RFC2: variants seen among roughly 807,000 people sequenced by gnomAD.
RFC2 encodes replication factor C subunit 2.
Under a neutral mutation model 44.8 loss-of-function variants are expected in RFC2, and 34 were observed. That is an observed-to-expected ratio of 0.76 (90% CI 0.58 to 1.01). The LOEUF (loss-of-function observed/expected upper bound fraction) is 1.01. RFC2 is among the 50% of genes least tolerant of loss of function. The probability of loss-of-function intolerance (pLI) is 0.00; values close to 1 mark genes in which losing one functional copy is unlikely to be tolerated. For missense variants in RFC2, 400 were observed against 453.6 expected (o/e 0.88, Z 1.07); for synonymous variants, 177 against 168.9 (o/e 1.05, Z -0.37).
intron 6 of RFC2, among the ~76,000 whole-genome samples, chr7:74,241,946 C>A (rs980875925): frequency 1.3e-5 from 2 of 151,886 alleles, no homozygotes; most frequent in Admixed American, 6.6e-5. Context: ...GGCGACAGAG[C>A]GAGACTCTCT....
At chr7:74,239,417 C>T (rs547607908) in intron 7 of RFC2, among the ~76,000 whole-genome samples, 20 of 152,112 alleles carry the variant, frequency 1.3e-4, no homozygotes, top group African/African-American at 4.3e-4. Flanking sequence ...CTGCAAGGTC[C>T]GCCTCCCAGG....
intron 2 of RFC2, among the ~76,000 whole-genome samples, chr7:74,251,593 T>A (rs1203287630): frequency 4.6e-3 from 550 of 120,256 alleles, no homozygotes; most frequent in Middle Eastern, 0.033. Flanking sequence ...AGGTCAGGAG[T>A]TCAAGACCAG....
intron 10 of RFC2, among the ~76,000 whole-genome samples, chr7:74,232,999 GC>G (rs1802810591): frequency 6.6e-6 from 1 of 152,136 alleles, no homozygotes; most frequent in Non-Finnish European, 1.5e-5. Context: ...AGGATCACTT[GC>G]CCAGAGTTGG....
At chr7:74,240,515 AAAAAAAAG>A (rs1426416463) in intron 6 of RFC2, among the ~76,000 whole-genome samples, 1 of 151,722 alleles carries the variant, frequency 6.6e-6, no homozygotes, top group Non-Finnish European at 1.5e-5. Context: ...AAAAAAAAAA[AAAAAAAAG>A]AGAGAGAGAG....
intron 5 of RFC2, among the ~76,000 whole-genome samples, chr7:74,244,484 C>G (rs1440800400): frequency 3.3e-5 from 5 of 151,498 alleles, no homozygotes; most frequent in African/African-American, 1.2e-4. Flanking sequence ...TCCTTAGTAC[C>G]TGGGATTACA....
intron 5 of RFC2, among the ~76,000 whole-genome samples, chr7:74,246,016 G>A (rs1803582970): frequency 1.3e-5 from 2 of 151,662 alleles, no homozygotes; most frequent in Admixed American, 1.3e-4. Context: ...CTAACATGGT[G>A]AAACCCCTTC....
chr7:74,237,857 G>C, intron 8 of RFC2, among the ~76,000 whole-genome samples: 1 of 152,102 alleles, frequency 6.6e-6, no homozygotes. Flanking sequence ...CCCTACAAAA[G>C]GTCCCCCAGC....
chr7:74,239,403 C>G (rs1282713746), intron 7 of RFC2, among the ~76,000 whole-genome samples: 1 of 151,968 alleles, frequency 6.6e-6, no homozygotes, highest in Non-Finnish European at 1.5e-5. Flanking sequence ...GCTATCTCAG[C>G]TCACTGCAAG....
chr7:74,234,002 T>C (rs1802872758), intron 10 of RFC2: 2 of 437,660 alleles, frequency 4.6e-6, no homozygotes, highest in South Asian at 1.6e-5. Flanking sequence ...AATCCATATA[T>C]GCAAATGTTT....
rs1365367460 is a variant in RFC2, at chr7:74,252,323, C to T, written c.183+106G>A. On this transcript the variant is annotated intron_variant, in intron 2 of 10. Coordinates refer to ENST00000055077, the MANE Select transcript of RFC2 (RefSeq NM_181471.3). Reference sequence around the variant, plus strand: ...TGGGGAGGCTGAGGCAGGAGAATGGCATGAACCCGGGAGGCGGAGCTTGCA... The same window carrying T: ...TGGGGAGGCTGAGGCAGGAGAATGGTATGAACCCGGGAGGCGGAGCTTGCA... 3 of 637,588 alleles carry T rather than the reference C, an allele frequency of 4.7e-6. No homozygotes were observed. In the African/African-American group the frequency reaches 5.7e-5, roughly 12 times the overall value. 39.5% of individuals were successfully genotyped at this position (637,588 alleles called of 1,614,324 possible).
At chr7:74,242,301 G>A (rs975152810) in intron 6 of RFC2, among the ~76,000 whole-genome samples, 1 of 152,092 alleles carries the variant, frequency 6.6e-6, no homozygotes, top group Non-Finnish European at 1.5e-5. Context: ...ATAGAACTGG[G>A]GCTCCAATCC....
chr7:74,242,385 TC>T (rs1243479164), intron 6 of RFC2, among the ~76,000 whole-genome samples: 1 of 152,158 alleles, frequency 6.6e-6, no homozygotes, highest in East Asian at 1.9e-4. Flanking sequence ...TTCTCTTTTT[TC>T]CTTAGATCCT....
Position 74,249,112 on chromosome 7 carries a change from G to C in RFC2, c.232C>G (p.Pro78Ala). The C allele has an allele frequency of 6.2e-7, 1 of 1,614,004 alleles. No individual in the cohort carries two copies. The highest frequency in any genetic ancestry group is 8.5e-7 in the Non-Finnish European group (1 of 1,179,962). Residue 78 changes from proline to alanine, a missense_variant, in exon 4 of 11, where the codon CCA (proline) becomes GCA (alanine). Transcript: ENST00000055077. ...NVPNIIIAGP[P>A]GTGKTTSILC... ...ATGCTTGTGGTCTTGCCGGTTCCTGGAGGGCCCTGGGAATGAGATCTCCAG... is the reference window on the plus strand; with the variant it reads ...ATGCTTGTGGTCTTGCCGGTTCCTGCAGGGCCCTGGGAATGAGATCTCCAG...
At chr7:74,245,500 CAGG>C (rs1347152116) in intron 5 of RFC2, among the ~76,000 whole-genome samples, 1 of 139,536 alleles carries the variant, frequency 7.2e-6, no homozygotes, top group African/African-American at 2.7e-5. Flanking sequence ...ATCATGAGGC[CAGG>C]AGATCAAGAC....
chr7:74,243,148 A>T lies in RFC2; in HGVS notation c.533T>A (p.Ile178Asn), dbSNP rs1554719473. 6.8e-6 allele frequency: 11 copies of T among 1,609,734 alleles called. No homozygotes were observed. The highest frequency in any genetic ancestry group is 1.3e-5 in the African/African-American group (1 of 74,966). Residue 178 changes from isoleucine (I) to asparagine (N), a missense_variant and splice_region_variant, in exon 6 of 11, where the codon ATC (isoleucine) becomes AAC (asparagine). Transcript: ENST00000055077. The part of the protein sequence containing the change: ...ALACNASDKI[I>N]EPIQSRCAVL... ...AGCCACCGAAAGCTCCCACTCACCG[A>T]TGATCTTATCCGAAGCATTACAAGC... is the stretch of plus-strand genomic sequence containing the variant.
rs782431136 is a variant in RFC2 at position 74,243,128 on chromosome 7, C to T, written c.535+18G>A. The T allele has an allele frequency of 6.3e-6, 10 of 1,576,366 alleles. No individual in the cohort carries two copies. In the South Asian group the frequency reaches 7.8e-5, roughly 12 times the overall value. ...TTGAGCACCACGTGGCCCCCAGCCA[C>T]CGAAAGCTCCCACTCACCGATGATC... On this transcript the variant is annotated intron_variant, in intron 6 of 10. Coordinates refer to ENST00000055077, the MANE Select transcript of RFC2 (RefSeq NM_181471.3).
At chr7:74,252,195 C>T (rs1476158214) in intron 2 of RFC2, among the ~76,000 whole-genome samples, 1 of 148,042 alleles carries the variant, frequency 6.8e-6, no homozygotes, top group Non-Finnish European at 1.5e-5. Flanking sequence ...ATCATGAGGT[C>T]AGGAGATTGA....
At chr7:74,247,223 T>C (rs570342353) in intron 4 of RFC2, among the ~76,000 whole-genome samples, 2 of 152,118 alleles carry the variant, frequency 1.3e-5, no homozygotes, top group Non-Finnish European at 2.9e-5. Flanking sequence ...TATACCACCT[T>C]TGTTATCTTG....
chr7:74,235,277 T>C (rs1802946015), intron 10 of RFC2, among the ~76,000 whole-genome samples: 1 of 152,232 alleles, frequency 6.6e-6, no homozygotes, highest in African/African-American at 2.4e-5. Flanking sequence ...CCTCAGGTGA[T>C]CCGCCCACCT....
Sources: allele counts gnomAD v4.1 joint callset (sites outside exome capture counted in the v4.1 genomes callset), GRCh38; gene constraint gnomAD v4.1.1; transcripts MANE v1.5; gene names NCBI Gene and HGNC (gene_info 2026-07-23, HGNC 2026-07-21).